RIMKLB: variants seen among roughly 807,000 people sequenced by gnomAD.
The protein encoded by RIMKLB is ribosomal modification protein rimK like family member B.
A neutral mutation model predicts 32.0 loss-of-function variants in RIMKLB; 7 were observed. The observed-to-expected ratio is 0.22, with a 90% CI of 0.12 to 0.41. The LOEUF (loss-of-function observed/expected upper bound fraction) is 0.41. Ranked by LOEUF, RIMKLB falls within the 10% of genes least tolerant of loss-of-function variation. The pLI is 1.00. For missense variants in RIMKLB, 289 were observed against 498.7 expected (o/e 0.58, Z 4.00); for synonymous variants, 172 against 185.1 (o/e 0.93, Z 0.57).
rs769421187 is a variant in RIMKLB at position 8,782,864 on chromosome 12, A to G, written c.*298-48A>G. The G allele has an allele frequency of 3.3e-5, 5 of 152,264 alleles. No individual in the cohort carries two copies. In the East Asian group the frequency reaches 9.7e-4, roughly 29 times the overall value. 9.4% of individuals were successfully genotyped at this position (152,264 alleles called of 1,614,324 possible). On this transcript the variant is annotated intron_variant, in intron 7 of 7. Transcript: ENST00000619374. ...GTATTTTTTCTTATCCTGGTTATAG[A>G]GACTTTTAAAATCTATGATTTAAAT...
chr12:8,760,339 A>G (rs56276359), intron 5 of RIMKLB, among the ~76,000 whole-genome samples: 2,456 of 152,268 alleles, frequency 0.016, 63 homozygotes, highest in African/African-American at 0.055. Flanking sequence ...AATCCAGTCT[A>G]TCATTGATGG....
At chr12:8,698,952 A>AC (rs112143852) in intron 1 of RIMKLB, among the ~76,000 whole-genome samples, 2,753 of 148,310 alleles carry the variant, frequency 0.019, 73 homozygotes, top group African/African-American at 0.058. Flanking sequence ...CTTGCCCCTC[A>AC]CCCCCCCCCA....
chr12:8,696,391 G>A (rs151221101), upstream of RIMKLB, among the ~76,000 whole-genome samples: 1 of 152,248 alleles, frequency 6.6e-6, no homozygotes, highest in East Asian at 1.9e-4. Context: ...ATCTTATAGG[G>A]CGTTTGTTCC....
At chr12:8,762,613 C>G (rs1949623034) in intron 5 of RIMKLB, among the ~76,000 whole-genome samples, 1 of 152,216 alleles carries the variant, frequency 6.6e-6, no homozygotes, top group African/African-American at 2.4e-5. Context: ...AATTCCCTTT[C>G]TCTCCATATT....
chr12:8,700,797 G>A (rs1943323174), intron 1 of RIMKLB, among the ~76,000 whole-genome samples: 1 of 152,312 alleles, frequency 6.6e-6, no homozygotes, highest in South Asian at 2.1e-4. Flanking sequence ...CTGGCGCAGT[G>A]GCTCACACCT....
intron 1 of RIMKLB, among the ~76,000 whole-genome samples, chr12:8,709,780 G>A (rs979763908): frequency 2.0e-5 from 3 of 152,106 alleles, no homozygotes; most frequent in Non-Finnish European, 4.4e-5. Context: ...TTTTATCATA[G>A]TATATTGTTA....
At chr12:8,758,666 T>C (rs1230230261) in intron 5 of RIMKLB, among the ~76,000 whole-genome samples, 1 of 152,224 alleles carries the variant, frequency 6.6e-6, no homozygotes, top group African/African-American at 2.4e-5. Flanking sequence ...CTAAAAGCTT[T>C]TCCGTGTTTA....
intron 5 of RIMKLB, among the ~76,000 whole-genome samples, chr12:8,761,417 T>C (rs1949511413): frequency 6.6e-6 from 1 of 152,108 alleles, no homozygotes; most frequent in Non-Finnish European, 1.5e-5. Flanking sequence ...TTTGTTTCAG[T>C]TGCAAGATTT....
At chr12:8,674,179 T>C in the RIMKLB span, among the ~76,000 whole-genome samples, 1 of 151,960 alleles carries the variant, frequency 6.6e-6, no homozygotes, top group East Asian at 1.9e-4. Context: ...AACATTTACA[T>C]TTTGCCCTTT....
intron 2 of RIMKLB, among the ~76,000 whole-genome samples, chr12:8,716,456 A>G (rs1406352574): frequency 1.2e-5 from 1 of 85,208 alleles, no homozygotes; most frequent in African/African-American, 4.6e-5. Flanking sequence ...TTTTTTTTTA[A>G]TTCACAAGAG....
chr12:8,686,317 C>G (rs770789908), intron 1 of RIMKLB, among the ~76,000 whole-genome samples: 1 of 150,992 alleles, frequency 6.6e-6, no homozygotes, highest in East Asian at 2.0e-4. Context: ...TTTTTGGAGA[C>G]GGAGTCTCAC....
chr12:8,687,910 G>A (rs1447280967), intron 1 of RIMKLB, among the ~76,000 whole-genome samples: 1 of 152,030 alleles, frequency 6.6e-6, no homozygotes, highest in Non-Finnish European at 1.5e-5. Flanking sequence ...AGTGATGGAT[G>A]GCACTGCAGT....
intron 2 of RIMKLB, chr12:8,714,289 A>G (rs914314325): frequency 1.8e-5 from 6 of 337,258 alleles, no homozygotes; most frequent in African/African-American, 8.5e-5. Flanking sequence ...AAGTAGGCGC[A>G]TATCTGTAGT....
chr12:8,773,756 C>T lies in RIMKLB; in HGVS notation c.1133C>T (p.Ala378Val). Reference sequence around the variant, plus strand: ...CTGTTCAACATGAACCAGCTGCTAGCCAATGAAATCAAACTACTGGTGGAC... The same window carrying T: ...CTGTTCAACATGAACCAGCTGCTAGTCAATGAAATCAAACTACTGGTGGAC... ...GGLFNMNQLL[A>V]NEIKLLVD The change falls in exon 6 of 6, where the codon GCC becomes GTC. Residue 378 changes from alanine (A) to valine (V), a missense_variant. By Grantham distance (64) the Ala-to-Val change is moderately conservative (BLOSUM62 0). Around this residue, in one of 3 missense-constraint regions of RIMKLB, gnomAD observed 99 missense variants for 133.9 expected, o/e 0.74. Coordinates refer to ENST00000535829, the MANE Select transcript of RIMKLB (RefSeq NM_001297776.2). The T allele has an allele frequency of 6.2e-7, 1 of 1,613,266 alleles. No homozygotes were observed. Among genetic ancestry groups the T allele is most frequent in the Non-Finnish European group, 8.5e-7 (1 of 1,179,280 alleles).
downstream of RIMKLB, among the ~76,000 whole-genome samples, chr12:8,781,569 C>A (rs369916444): frequency 3.9e-3 from 596 of 152,254 alleles, 1 homozygote; most frequent in Non-Finnish European, 6.9e-3. Flanking sequence ...GGGCTTTTCC[C>A]CTGTTCCTCT....
chr12:8,727,898 C>G (rs1405754603), intron 2 of RIMKLB, among the ~76,000 whole-genome samples: 3 of 93,580 alleles, frequency 3.2e-5, no homozygotes, highest in Non-Finnish European at 6.8e-5. Context: ...GAGACATTGT[C>G]TCAAAAAAAA....
chr12:8,680,012 C>T (rs1171067107), upstream of RIMKLB, among the ~76,000 whole-genome samples: 3 of 152,188 alleles, frequency 2.0e-5, no homozygotes, highest in African/African-American at 7.2e-5. Context: ...CCAGCCAAAA[C>T]CTACCAAAAC....
chr12:8,739,857 C>A (rs956591885), intron 2 of RIMKLB, among the ~76,000 whole-genome samples: 2 of 152,168 alleles, frequency 1.3e-5, no homozygotes. Flanking sequence ...AGGATTTCAA[C>A]ACTTAACATT....
chr12:8,706,611 C>T (rs1032870989), intron 1 of RIMKLB, among the ~76,000 whole-genome samples: 9 of 151,752 alleles, frequency 5.9e-5, no homozygotes, highest in Non-Finnish European at 7.4e-5. Flanking sequence ...CCCCTGCGTC[C>T]GGCTAATTTT....
Sources: allele counts gnomAD v4.1 joint callset (sites outside exome capture counted in the v4.1 genomes callset), GRCh38; gene constraint gnomAD v4.1.1; regional missense constraint gnomAD v4.1.1; transcripts MANE v1.5; gene names NCBI Gene and HGNC (gene_info 2026-07-23, HGNC 2026-07-21).